BRD3: variants seen among roughly 807,000 people sequenced by gnomAD.
BRD3 encodes bromodomain containing 3.
A neutral mutation model predicts 66.8 loss-of-function variants in BRD3; 17 were observed. The ratio of observed to expected loss-of-function variants is 0.25; its 90% CI spans 0.17 to 0.38. The LOEUF (loss-of-function observed/expected upper bound fraction) is 0.38. Among genes scored for constraint, BRD3 ranks in the 10% least tolerant of loss-of-function variants. BRD3 has a pLI of 1.00. For missense variants in BRD3, 713 were observed against 956.1 expected, an observed-to-expected ratio of 0.75 and a Z score of 3.35; for synonymous variants, 421 against 393.2, an observed-to-expected ratio of 1.07 and a Z score of -0.84.
At chr9:134,060,856 T>G (rs1316647079) in intron 1 of BRD3, among the ~76,000 whole-genome samples, 1 of 152,166 alleles carries the variant, frequency 6.6e-6, no homozygotes, top group African/African-American at 2.4e-5. Flanking sequence ...GGTGGCCCCC[T>G]GAACCCTTCC....
At chr9:134,037,859 T>C (rs982207783) in intron 9 of BRD3, among the ~76,000 whole-genome samples, 1 of 151,990 alleles carries the variant, frequency 6.6e-6, no homozygotes, top group Non-Finnish European at 1.5e-5. Flanking sequence ...CTACAGACAA[T>C]AAAAGGCTAA....
intron 4 of BRD3, 55 bp downstream of exon 4, chr9:134,051,507 A>G: frequency 6.9e-7 from 1 of 1,455,562 alleles, no homozygotes; most frequent in Non-Finnish European, 9.0e-7. Context: ...CAGCCCATCC[A>G]CCCGTGGGCC....
chr9:134,049,238 G>A (rs1391990076), intron 5 of BRD3, among the ~76,000 whole-genome samples: 1 of 152,160 alleles, frequency 6.6e-6, no homozygotes, highest in East Asian at 1.9e-4. Context: ...CAGCCTGCAA[G>A]GGCCTCAGCA....
Position 134,039,984 on chromosome 9 carries a change from T to C in BRD3, c.1643+50A>G, listed in dbSNP as rs1226955499. On this transcript the variant is annotated intron_variant, in intron 9 of 11. Transcript: ENST00000303407. ...AGCACTGCTGCTACATGAGCCCCCATGGCGTGCTGAGCGCTGGGCTCTTGG... is the reference window on the plus strand; with the variant it reads ...AGCACTGCTGCTACATGAGCCCCCACGGCGTGCTGAGCGCTGGGCTCTTGG... 6 of 1,543,086 alleles carry C rather than the reference T, an allele frequency of 3.9e-6. No individual in the cohort carries two copies. In the East Asian group the frequency reaches 1.4e-4, roughly 37 times the overall value.
intron 9 of BRD3, among the ~76,000 whole-genome samples, chr9:134,039,177 T>A: frequency 6.6e-6 from 1 of 152,166 alleles, no homozygotes; most frequent in East Asian, 1.9e-4. Flanking sequence ...TCCAAAGGGG[T>A]ATCCTTTCTT....
At chr9:134,041,383 T>G (rs1830043938) in intron 8 of BRD3, among the ~76,000 whole-genome samples, 1 of 152,054 alleles carries the variant, frequency 6.6e-6, no homozygotes, top group Admixed American at 6.6e-5. Context: ...CCCTGGAGCC[T>G]GCACCCCACC....
chr9:134,034,622 C>G, intron 11 of BRD3, 79 bp downstream of exon 11: 1 of 1,567,158 alleles, frequency 6.4e-7, no homozygotes, highest in Non-Finnish European at 8.6e-7. Flanking sequence ...CAGACGTGGG[C>G]CTGCTCGATG....
Sources: allele counts gnomAD v4.1 joint callset (sites outside exome capture counted in the v4.1 genomes callset), GRCh38; gene constraint gnomAD v4.1.1; transcripts MANE v1.5; gene names NCBI Gene and HGNC (gene_info 2026-07-23, HGNC 2026-07-21).